The following RNF111 variants were observed in gnomAD, a reference collection of about 807,000 sequenced individuals.
The protein encoded by RNF111 is E3 ubiquitin-protein ligase Arkadia.
Under a neutral mutation model 95.1 loss-of-function variants are expected in RNF111, and 17 were observed. That is an observed-to-expected ratio of 0.18 (90% CI 0.12 to 0.27). The LOEUF is 0.27. Among genes scored for constraint, RNF111 ranks in the 10% least tolerant of loss-of-function variants. RNF111 has a pLI of 1.00. For synonymous variants in RNF111, 440 were observed against 414.8 expected, an observed-to-expected ratio of 1.06 and a Z score of -0.74; for missense variants, 1,189 against 1,210.4, an observed-to-expected ratio of 0.98 and a Z score of 0.26.
intron 5 of RNF111, among the ~76,000 whole-genome samples, chr15:59,064,300 T>G (rs1219184397): frequency 9.9e-5 from 15 of 150,756 alleles, no homozygotes; most frequent in African/African-American, 3.7e-4. Flanking sequence ...CTTTGGGAGG[T>G]CGAGGTGGGT....
intron 12 of RNF111, 44 bp downstream of exon 12, chr15:59,091,198 C>CATAA: frequency 8.8e-7 from 1 of 1,132,502 alleles, no homozygotes; most frequent in Non-Finnish European, 1.3e-6. Flanking sequence ...TACTGAAAGG[C>CATAA]ATAAATGTAA....
At chr15:59,027,979 C>A (rs2040707651) in intron 1 of RNF111, among the ~76,000 whole-genome samples, 1 of 151,958 alleles carries the variant, frequency 6.6e-6, no homozygotes, top group African/African-American at 2.4e-5. Context: ...GTGCACGCCA[C>A]CATGCCCGGA....
At chr15:59,001,033 T>C (rs2039302533) in intron 1 of RNF111, among the ~76,000 whole-genome samples, 1 of 152,170 alleles carries the variant, frequency 6.6e-6, no homozygotes, top group Admixed American at 6.5e-5. Context: ...TTAATGTTGG[T>C]ATTAACTACT....
intron 1 of RNF111, among the ~76,000 whole-genome samples, chr15:59,021,733 G>A (rs1467961115): frequency 6.6e-6 from 1 of 152,136 alleles, no homozygotes; most frequent in African/African-American, 2.4e-5. Flanking sequence ...TCCCTGGATC[G>A]AAAATCTACA....
At chr15:59,075,882 A>G (rs368126860) in intron 6 of RNF111, 72 bp from the exon 7 acceptor site, 7 of 1,493,010 alleles carry the variant, frequency 4.7e-6, no homozygotes, top group African/African-American at 2.9e-5. Context: ...TATATTAGGA[A>G]TACTTTTATA....
At chr15:59,051,252 G>A (rs1198991382) in intron 2 of RNF111, among the ~76,000 whole-genome samples, 3 of 148,684 alleles carry the variant, frequency 2.0e-5, no homozygotes, top group East Asian at 2.0e-4. Flanking sequence ...AGGAGATCGC[G>A]ACCATCCTGG....
chr15:59,067,092 A>G lies in RNF111; in HGVS notation c.1686+9A>G, dbSNP rs777879902. On this transcript the variant is annotated intron_variant, in intron 6 of 13. Coordinates refer to ENST00000348370, the MANE Select transcript of RNF111 (RefSeq NM_017610.8). The stretch of plus-strand genomic sequence containing the variant: ...CCAGCTATCATGAACAGGTATGTGG[A>G]ATTTGAGTCAGTCTTTCTTTCCTGC... The G allele has an allele frequency of 6.2e-7, 1 of 1,605,624 alleles. No individual in the cohort carries two copies. The highest frequency in any genetic ancestry group is 8.5e-7 in the Non-Finnish European group (1 of 1,173,902).
intron 1 of RNF111, among the ~76,000 whole-genome samples, chr15:59,020,361 C>T (rs1162357746): frequency 6.6e-6 from 1 of 151,898 alleles, no homozygotes; most frequent in Non-Finnish European, 1.5e-5. Flanking sequence ...AGGATCCAGG[C>T]TTCCTTACCA....
intron 10 of RNF111, 82 bp downstream of exon 10, chr15:59,085,867 T>A: frequency 8.8e-7 from 1 of 1,142,324 alleles, no homozygotes; most frequent in Non-Finnish European, 1.2e-6. Context: ...TTCACTATAT[T>A]AATATAGATG....
chr15:59,020,344 A>G (rs1316990271), intron 1 of RNF111, among the ~76,000 whole-genome samples: 3 of 151,932 alleles, frequency 2.0e-5, no homozygotes, highest in African/African-American at 4.8e-5. Flanking sequence ...TATTTAGTAT[A>G]CATTTCAGGA....
At chr15:59,009,289 T>C (rs2039682378) in intron 1 of RNF111, among the ~76,000 whole-genome samples, 1 of 151,950 alleles carries the variant, frequency 6.6e-6, no homozygotes, top group South Asian at 2.1e-4. Flanking sequence ...TTATCAGCTT[T>C]GGGAGGATTT....
intron 1 of RNF111, among the ~76,000 whole-genome samples, chr15:59,014,645 T>C (rs1041408821): frequency 6.6e-6 from 1 of 152,208 alleles, no homozygotes; most frequent in Admixed American, 6.6e-5. Flanking sequence ...TGTTTTATTC[T>C]GAGTCTAAGA....
intron 2 of RNF111, among the ~76,000 whole-genome samples, chr15:59,039,535 T>C (rs1347981078): frequency 6.6e-6 from 1 of 152,172 alleles, no homozygotes; most frequent in Non-Finnish European, 1.5e-5. Flanking sequence ...TTGCAGTCTT[T>C]TTATACTTTT....
At chr15:59,055,045 C>T (rs1326822130) in intron 3 of RNF111, among the ~76,000 whole-genome samples, 23 of 152,202 alleles carry the variant, frequency 1.5e-4, no homozygotes, top group Non-Finnish European at 4.4e-5. Context: ...ATGCCACACA[C>T]ATACTTAAAT....
chr15:59,063,810 G>A (rs1195332864), intron 5 of RNF111, among the ~76,000 whole-genome samples: 4 of 152,148 alleles, frequency 2.6e-5, no homozygotes, highest in Non-Finnish European at 2.9e-5. Flanking sequence ...TAGAGTCAAC[G>A]TAATCCTCAA....
intron 9 of RNF111, among the ~76,000 whole-genome samples, chr15:59,084,916 T>C (rs1376696581): frequency 6.6e-6 from 1 of 152,230 alleles, no homozygotes; most frequent in African/African-American, 2.4e-5. Flanking sequence ...CTCCCTCGAC[T>C]GATCTTACTT....
intron 10 of RNF111, among the ~76,000 whole-genome samples, chr15:59,087,685 T>C (rs1448001217): frequency 1.3e-5 from 2 of 152,276 alleles, no homozygotes; most frequent in East Asian, 1.9e-4. Flanking sequence ...TGTCTTCACA[T>C]TGAGTAAGCT....
chr15:59,064,581 T>G (rs2042578951), intron 5 of RNF111, among the ~76,000 whole-genome samples: 1 of 151,982 alleles, frequency 6.6e-6, no homozygotes, highest in African/African-American at 2.4e-5. Flanking sequence ...TTTGTTTTTT[T>G]GTTACAAATT....
intron 5 of RNF111, among the ~76,000 whole-genome samples, chr15:59,059,919 T>G (rs2042362553): frequency 6.6e-6 from 1 of 152,194 alleles, no homozygotes; most frequent in Non-Finnish European, 1.5e-5. Context: ...TTTAATAATA[T>G]CTCATTTAAT....
Sources: allele counts gnomAD v4.1 joint callset (sites outside exome capture counted in the v4.1 genomes callset), GRCh38; gene constraint gnomAD v4.1.1; transcripts MANE v1.5; gene names NCBI Gene and HGNC (gene_info 2026-07-23, HGNC 2026-07-21).